KALRN: variants seen among roughly 807,000 people sequenced by gnomAD.
KALRN encodes the protein kalirin.
A neutral mutation model predicts 353.7 loss-of-function variants in KALRN; 70 were observed. That is an observed-to-expected ratio of 0.20 (90% CI 0.16 to 0.24). The LOEUF (loss-of-function observed/expected upper bound fraction) is 0.24. Among genes scored for constraint, KALRN ranks in the 10% least tolerant of loss-of-function variants. The probability of loss-of-function intolerance (pLI) is 1.00; values close to 1 mark genes in which losing one functional copy is unlikely to be tolerated. For missense variants in KALRN, 2,791 were observed against 3,756.7 expected (o/e 0.74, Z 6.72); for synonymous variants, 1,391 against 1,434.8 (o/e 0.97, Z 0.69).
chr3:124,446,714 TA>T lies in KALRN; in HGVS notation c.3430-48del, dbSNP rs745552044. The T allele has an allele frequency of 2.5e-6, 4 of 1,611,830 alleles. No individual in the cohort carries two copies. The East Asian group carries it at 8.9e-5, about 36-fold the overall frequency. ...TTCATTGTAGTATGGCATGTTTTCC[TA>T]CTGACAGCTGCCTTTTTGGGGACTG... On this transcript the variant is annotated intron_variant, in intron 20 of 59. Transcript: ENST00000682506.
chr3:124,520,927 C>G (rs772963988), intron 33 of KALRN, among the ~76,000 whole-genome samples: 4 of 152,204 alleles, frequency 2.6e-5, no homozygotes, highest in Non-Finnish European at 4.4e-5. Context: ...ATCTGTGATT[C>G]AAATTCAGAT....
intron 34 of KALRN, among the ~76,000 whole-genome samples, chr3:124,606,365 T>C (rs1389359493): frequency 6.6e-6 from 1 of 152,214 alleles, no homozygotes; most frequent in African/African-American, 2.4e-5. Context: ...GAGCCCAAAA[T>C]CTCACATGTC....
At chr3:124,112,304 C>CA (rs111307023) in intron 1 of KALRN, among the ~76,000 whole-genome samples, 109,906 of 125,908 alleles carry the variant, frequency 0.87, 47,741 homozygotes, top group East Asian at 0.97. Context: ...CTCCATCTCA[C>CA]AAAAAAAAAA....
chr3:124,330,131 T>C (rs2080357816), intron 8 of KALRN, 139 bp downstream of exon 8: 1 of 935,584 alleles, frequency 1.1e-6, no homozygotes, highest in Non-Finnish European at 1.6e-6. Context: ...TTTGGTGACA[T>C]CTTTAGGAAC....
intron 1 of KALRN, among the ~76,000 whole-genome samples, chr3:124,218,538 G>A (rs913429186): frequency 6.6e-6 from 1 of 152,132 alleles, no homozygotes; most frequent in African/African-American, 2.4e-5. Context: ...TAACAAAAAA[G>A]ACAATAAATC....
chr3:124,363,089 A>G (rs887759653), intron 10 of KALRN, among the ~76,000 whole-genome samples: 1 of 152,204 alleles, frequency 6.6e-6, no homozygotes, highest in African/African-American at 2.4e-5. Flanking sequence ...AAAAATATGT[A>G]CAACTATTAT....
intron 27 of KALRN, among the ~76,000 whole-genome samples, chr3:124,479,475 T>C (rs2061744772): frequency 6.6e-6 from 1 of 152,170 alleles, no homozygotes; most frequent in African/African-American, 2.4e-5. Context: ...TTAGGAACCA[T>C]CTGCTTTAGG....
chr3:124,390,046 C>T (rs181887270), intron 11 of KALRN, among the ~76,000 whole-genome samples: 77 of 152,328 alleles, frequency 5.1e-4, no homozygotes, highest in Admixed American at 4.8e-3. Context: ...AACTTAAATA[C>T]ATTCTTTTTG....
At chr3:124,584,782 CG>C in intron 34 of KALRN, 1 of 1,571,998 alleles carries the variant, frequency 6.4e-7, no homozygotes, top group Non-Finnish European at 8.6e-7. Flanking sequence ...CCCGGGCTGG[CG>C]CCCCGTGCCA....
intron 47 of KALRN, among the ~76,000 whole-genome samples, chr3:124,670,074 G>A (rs577692206): frequency 7.3e-5 from 11 of 151,556 alleles, no homozygotes; most frequent in East Asian, 1.9e-4. Context: ...GAGTTCAAGC[G>A]ATTCTCATGC....
intron 3 of KALRN, among the ~76,000 whole-genome samples, chr3:124,242,543 G>T (rs540998051): frequency 6.6e-6 from 1 of 152,156 alleles, no homozygotes; most frequent in Non-Finnish European, 1.5e-5. Context: ...TGAAGGATGG[G>T]CTAAGACTGG....
At chr3:124,312,241 A>G (rs2078343330) in intron 6 of KALRN, among the ~76,000 whole-genome samples, 1 of 152,128 alleles carries the variant, frequency 6.6e-6, no homozygotes, top group African/African-American at 2.4e-5. Flanking sequence ...GCTCACTGCA[A>G]CCTCTGCCTC....
Position 124,196,698 on chromosome 3 carries a change from A to G in KALRN, c.74-31292A>G, listed in dbSNP as rs181526807. Among the ~76,000 whole-genome samples, 66 of 152,326 alleles carry G rather than the reference A, an allele frequency of 4.3e-4. 1 individual carries two copies. The highest frequency in any genetic ancestry group is 7.6e-4 in the Non-Finnish European group (52 of 68,028). ...ACACTTTATAACCTTTTTAAAACCT[A>G]AACACATTGTTCATGAACATCTTTC... On this transcript the variant is annotated intron_variant, in intron 1 of 59. Coordinates refer to ENST00000682506, the MANE Select transcript of KALRN (RefSeq NM_001388419.1).
At chr3:124,066,639 G>A (rs1200364768) in intron 1 of KALRN, among the ~76,000 whole-genome samples, 1 of 152,164 alleles carries the variant, frequency 6.6e-6, no homozygotes, top group Non-Finnish European at 1.5e-5. Context: ...CGGGAATAGG[G>A]AACACCGCTT....
rs150909887 is a variant in KALRN, at chr3:124,576,131, T to C, written c.5182+13042T>C. Among the ~76,000 whole-genome samples the C allele has an allele frequency of 5.5e-3, 833 of 151,828 alleles. 5 individuals carry two copies. The highest frequency in any genetic ancestry group is 8.6e-3 in the Non-Finnish European group (584 of 67,936). On this transcript the variant is annotated intron_variant, in intron 34 of 59. Coordinates refer to ENST00000682506, the MANE Select transcript of KALRN (RefSeq NM_001388419.1). ...GCTGTCACACTTCCTTCTGCTTGAA[T>C]GTCACCTGATTAGAGAGGTCTTCCC...
intron 29 of KALRN, among the ~76,000 whole-genome samples, chr3:124,489,377 G>A (rs1387564349): frequency 1.3e-5 from 2 of 152,154 alleles, no homozygotes; most frequent in African/African-American, 4.8e-5. Flanking sequence ...TGTATAGTCT[G>A]TTGCAAATAT....
In KALRN at chr3:124,530,337, T is replaced by A. The variant is rs566219717; in HGVS notation, c.4936-32506T>A. 3.3e-5 allele frequency among the ~76,000 whole-genome samples: 5 copies of A among 152,284 alleles called. No homozygotes were observed. The East Asian group carries it at 9.6e-4, about 29-fold the overall frequency. Reference sequence around the variant, plus strand: ...CTGAGAGGTCCAAAAGTTAGAATGATCTCGCCTCCCTTTTTATCTCTGTCC... The same window carrying A: ...CTGAGAGGTCCAAAAGTTAGAATGAACTCGCCTCCCTTTTTATCTCTGTCC... On this transcript the variant is annotated intron_variant, in intron 33 of 59. Transcript: ENST00000682506.
intron 1 of KALRN, among the ~76,000 whole-genome samples, chr3:124,036,612 T>C (rs548243915): frequency 4.6e-5 from 7 of 152,294 alleles, no homozygotes; most frequent in Admixed American, 3.9e-4. Flanking sequence ...CTCTGTGGAA[T>C]ATAGCACTAT....
At chr3:124,318,990 G>A (rs146826342) in intron 6 of KALRN, among the ~76,000 whole-genome samples, 28 of 152,128 alleles carry the variant, frequency 1.8e-4, no homozygotes, top group African/African-American at 6.5e-4. Context: ...AAGTGGTTTT[G>A]TATTCTTGTC....
Sources: gnomAD v4.1 joint callset for allele counts (sites outside exome capture counted in the v4.1 genomes callset) on GRCh38, gnomAD v4.1.1 for gene constraint, MANE v1.5 for transcripts, NCBI Gene and HGNC (gene_info 2026-07-23, HGNC 2026-07-21) for gene names.